Variants in TENM3 observed in about 807,000 individuals in gnomAD.
TENM3 encodes teneurin-3.
A neutral mutation model predicts 255.1 loss-of-function variants in TENM3; 63 were observed. The ratio of observed to expected loss-of-function variants is 0.25; its 90% CI spans 0.20 to 0.30. The LOEUF (loss-of-function observed/expected upper bound fraction) is 0.30. Ranked by LOEUF, TENM3 falls within the 10% of genes least tolerant of loss-of-function variation. The pLI is 1.00. For missense variants in TENM3, 2,929 were observed against 3,461.1 expected, an observed-to-expected ratio of 0.85 and a Z score of 3.86; for synonymous variants, 1,306 against 1,322.3, an observed-to-expected ratio of 0.99 and a Z score of 0.27.
At chr4:181,631,073 C>T in the TENM3 span, among the ~76,000 whole-genome samples, 2 of 152,100 alleles carry the variant, frequency 1.3e-5, no homozygotes, top group East Asian at 1.9e-4. Flanking sequence ...TCCTCATCTA[C>T]AGACTTAACT....
intron 18 of TENM3, among the ~76,000 whole-genome samples, chr4:182,741,709 A>G (rs966806545): frequency 3.9e-5 from 6 of 152,204 alleles, no homozygotes; most frequent in Non-Finnish European, 8.8e-5. Flanking sequence ...ACCTCTTGTT[A>G]TGATCCAGCC....
At chr4:182,517,134 ACTT>A (rs958396253) in intron 3 of TENM3, among the ~76,000 whole-genome samples, 1 of 152,146 alleles carries the variant, frequency 6.6e-6, no homozygotes, top group Non-Finnish European at 1.5e-5. Flanking sequence ...TTTTGAAAGA[ACTT>A]CTTTCATCAC....
At chr4:181,577,292 C>T in the TENM3 span, among the ~76,000 whole-genome samples, 19 of 148,548 alleles carry the variant, frequency 1.3e-4, no homozygotes, top group African/African-American at 4.0e-4. Flanking sequence ...CCACCCTTCT[C>T]GGCCTCCCAA....
the TENM3 span, among the ~76,000 whole-genome samples, chr4:181,543,972 G>A: frequency 7.2e-5 from 11 of 152,034 alleles, no homozygotes; most frequent in Admixed American, 7.2e-4. Context: ...AAGCCCATGG[G>A]TCCATTCGCT....
chr4:182,763,100 T>C (rs1763347801), intron 22 of TENM3, among the ~76,000 whole-genome samples: 1 of 152,192 alleles, frequency 6.6e-6, no homozygotes, highest in African/African-American at 2.4e-5. Flanking sequence ...AGAGTGTAGG[T>C]CCGATATAAC....
chr4:182,120,092 C>T, the TENM3 span, among the ~76,000 whole-genome samples: 2 of 1,536 alleles, frequency 1.3e-3, no homozygotes, highest in African/African-American at 5.1e-3. Flanking sequence ...TGCGTGCGTG[C>T]GCGCACACAC....
At chr4:182,534,202 C>T (rs1470937452) in intron 3 of TENM3, among the ~76,000 whole-genome samples, 1 of 152,096 alleles carries the variant, frequency 6.6e-6, no homozygotes, top group East Asian at 1.9e-4. Context: ...GAGGAACATG[C>T]CCAGCTACTT....
At chr4:182,588,221 A>G (rs1746242700) in intron 3 of TENM3, among the ~76,000 whole-genome samples, 1 of 152,232 alleles carries the variant, frequency 6.6e-6, no homozygotes, top group African/African-American at 2.4e-5. Flanking sequence ...ATTGATTTAT[A>G]TAGTTAGGTT....
At chr4:182,326,830 A>G (rs1201283767) in intron 2 of TENM3, among the ~76,000 whole-genome samples, 1 of 152,138 alleles carries the variant, frequency 6.6e-6, no homozygotes, top group East Asian at 1.9e-4. Flanking sequence ...GGCCTGAGCC[A>G]CCACGCCCAG....
chr4:182,234,719 A>G (rs1756789556), intron 1 of TENM3, among the ~76,000 whole-genome samples: 1 of 152,158 alleles, frequency 6.6e-6, no homozygotes, highest in Admixed American at 6.6e-5. Flanking sequence ...GTGACAGAGC[A>G]AGATTCCCTT....
At chr4:182,163,107 C>T (rs979018875) in intron 1 of TENM3, among the ~76,000 whole-genome samples, 3 of 152,156 alleles carry the variant, frequency 2.0e-5, no homozygotes, top group Non-Finnish European at 4.4e-5. Flanking sequence ...TCATTACGTC[C>T]TGCTCATTCT....
chr4:181,470,081 A>G, the TENM3 span, among the ~76,000 whole-genome samples: 3 of 148,770 alleles, frequency 2.0e-5, no homozygotes, highest in Admixed American at 2.0e-4. Flanking sequence ...AGATTTGCTA[A>G]TTGAGAAAAA....
the TENM3 span, among the ~76,000 whole-genome samples, chr4:181,915,283 G>T: frequency 6.6e-6 from 1 of 152,118 alleles, no homozygotes; most frequent in Non-Finnish European, 1.5e-5. Context: ...TTTAGAGTTT[G>T]CAATAATCTT....
the TENM3 span, among the ~76,000 whole-genome samples, chr4:181,933,086 C>G: frequency 0.01 from 1,549 of 152,116 alleles, 73 homozygotes; most frequent in Admixed American, 0.072. Context: ...ATGGGTGCAG[C>G]GAACCACCAT....
chr4:181,898,304 A>C, the TENM3 span, among the ~76,000 whole-genome samples: 36 of 152,124 alleles, frequency 2.4e-4, no homozygotes, highest in Non-Finnish European at 4.1e-4. Context: ...TATTTCTGTC[A>C]ACAGATAATA....
chr4:182,482,075 C>G (rs11736011), intron 3 of TENM3, among the ~76,000 whole-genome samples: 31,837 of 151,848 alleles, frequency 0.21, 3,675 homozygotes, highest in Non-Finnish European at 0.26. Context: ...CAGTTTTTAC[C>G]TATGAACCTA....
intron 24 of TENM3, among the ~76,000 whole-genome samples, chr4:182,787,056 G>A (rs1765722345): frequency 6.6e-6 from 1 of 152,108 alleles, no homozygotes; most frequent in South Asian, 2.1e-4. Flanking sequence ...ATATATATAT[G>A]TAACTAGCCG....
chr4:181,678,080 C>A, the TENM3 span, among the ~76,000 whole-genome samples: 1 of 152,114 alleles, frequency 6.6e-6, no homozygotes, highest in Non-Finnish European at 1.5e-5. Flanking sequence ...ATTTATTGAA[C>A]ACTTACTGTG....
chr4:182,773,576 C>G lies in TENM3; in HGVS notation c.4997C>G (p.Ser1666Cys). The G allele has an allele frequency of 6.2e-7, 1 of 1,613,890 alleles. No individual in the cohort carries two copies. Among genetic ancestry groups the G allele is most frequent in the Non-Finnish European group, 8.5e-7 (1 of 1,179,840 alleles). The change falls in exon 23 of 28, where the codon TCT becomes TGT. Residue 1666 changes from serine (S) to cysteine (C), a missense_variant. Ser to Cys is a moderately radical substitution (Grantham distance 112). Around this residue, in one of 6 missense-constraint regions of TENM3, gnomAD observed 1,608 missense variants for 1,884.4 expected, o/e 0.85. Transcript: ENST00000511685. The stretch of plus-strand genomic sequence containing the variant: ...GCTATCACAGTGGACATTGAGTCAT[C>G]TAGCCGAGAAGAAGATGTCAGCATC... Reference protein sequence around the residue: ...DKAITVDIESSSREEDVSITS... With the variant: ...DKAITVDIESCSREEDVSITS...
Sources: allele counts gnomAD v4.1 joint callset (sites outside exome capture counted in the v4.1 genomes callset), GRCh38; gene constraint gnomAD v4.1.1; regional missense constraint gnomAD v4.1.1; transcripts MANE v1.5; gene names NCBI Gene and HGNC (gene_info 2026-07-23, HGNC 2026-07-21).